Variants in CEP162 observed in about 807,000 individuals in gnomAD.
CEP162 encodes centrosomal protein 162, also known as centrosomal protein of 162 kDa.
CEP162 carries 141 observed loss-of-function variants against 169.2 expected under a neutral mutation model. The ratio of observed to expected loss-of-function variants is 0.83; its 90% CI spans 0.73 to 0.96. CEP162 has a LOEUF of 0.96. CEP162 is among the 40% of genes least tolerant of loss of function. The pLI is 0.00. For missense variants in CEP162, 1,600 were observed against 1,587.2 expected, an observed-to-expected ratio of 1.01 and a Z score of -0.14; for synonymous variants, 540 against 526.4, an observed-to-expected ratio of 1.03 and a Z score of -0.35.
intron 2 of CEP162, among the ~76,000 whole-genome samples, chr6:84,223,896 ACT>A (rs1487688277): frequency 1.3e-5 from 2 of 151,822 alleles, no homozygotes; most frequent in African/African-American, 4.9e-5. Flanking sequence ...ACAGAGCAAG[ACT>A]CAGTCTCAAG....
intron 18 of CEP162, among the ~76,000 whole-genome samples, chr6:84,163,732 A>G (rs9449816): frequency 0.44 from 66,619 of 151,654 alleles, 18,116 homozygotes; most frequent in African/African-American, 0.78. Flanking sequence ...TTGGGAGGCC[A>G]AGGTGGGCGG....
At chr6:84,172,651 G>A (rs962842343) in intron 16 of CEP162, among the ~76,000 whole-genome samples, 1 of 152,062 alleles carries the variant, frequency 6.6e-6, no homozygotes, top group Non-Finnish European at 1.5e-5. Flanking sequence ...AGATCAAACT[G>A]GCAGAAGAAT....
intron 26 of CEP162, among the ~76,000 whole-genome samples, 177 bp downstream of exon 26, chr6:84,126,201 G>GATCA (rs1255561876): frequency 6.6e-6 from 1 of 151,986 alleles, no homozygotes; most frequent in Non-Finnish European, 1.5e-5. Context: ...TCAAGCACTT[G>GATCA]AGATATAAAG....
chr6:84,194,779 G>T, intron 10 of CEP162, 105 bp downstream of exon 10: 3 of 947,170 alleles, frequency 3.2e-6, no homozygotes, highest in South Asian at 3.3e-5. Flanking sequence ...TAAGCTCAGA[G>T]ACTGAGAAAC....
chr6:84,190,130 G>A (rs372716257), intron 11 of CEP162, among the ~76,000 whole-genome samples: 4 of 142,670 alleles, frequency 2.8e-5, no homozygotes, highest in South Asian at 4.6e-4. Context: ...AAATACACCA[G>A]TCAGCACCCT....
At chr6:84,227,460 T>G (rs4143729) in intron 1 of CEP162, 120 bp downstream of exon 1, 53,012 of 151,980 alleles carry the variant, frequency 0.35, 9,616 homozygotes, top group East Asian at 0.57. Context: ...GCATTTGCCG[T>G]GGGCTCCGGG....
intron 18 of CEP162, among the ~76,000 whole-genome samples, chr6:84,165,164 C>T (rs935073929): frequency 2.0e-5 from 3 of 151,840 alleles, no homozygotes; most frequent in Non-Finnish European, 4.4e-5. Context: ...CCCAGAAGGC[C>T]TTCCTGACCA....
chr6:84,127,689 G>A (rs2099509514), intron 25 of CEP162, among the ~76,000 whole-genome samples: 1 of 152,170 alleles, frequency 6.6e-6, no homozygotes. Flanking sequence ...GTTGAAAAAT[G>A]ATTTTGAGTA....
intron 25 of CEP162, among the ~76,000 whole-genome samples, chr6:84,139,928 C>G (rs183777430): frequency 9.8e-6 from 1 of 102,346 alleles, no homozygotes; most frequent in African/African-American, 1.4e-4. Flanking sequence ...CAGCCACCCT[C>G]TCAGGCTGGT....
rs760882056 is a variant in CEP162 at position 84,175,279 on chromosome 6, A to G, written c.1732T>C (p.Cys578Arg). The G allele has an allele frequency of 1.3e-6, 2 of 1,547,770 alleles. No homozygotes were observed. Among genetic ancestry groups the G allele is most frequent in the African/African-American group, 1.4e-5 (1 of 73,092 alleles). The change falls in exon 14 of 27, where the codon TGC becomes CGC. Residue 578 changes from cysteine (C) to arginine (R), a missense_variant. Coordinates refer to ENST00000403245, the MANE Select transcript of CEP162 (RefSeq NM_014895.4). ...LDKPAHKTES[C>R]LSTRKKSENP... ...TCAGACTTCTTACGAGTAGACAGGCAACTTTCAGTTTTGTGAGCTGGTTTA... is the reference window on the plus strand; with the variant it reads ...TCAGACTTCTTACGAGTAGACAGGCGACTTTCAGTTTTGTGAGCTGGTTTA...
At chr6:84,158,369 C>T (rs573323816) in intron 21 of CEP162, among the ~76,000 whole-genome samples, 1 of 152,236 alleles carries the variant, frequency 6.6e-6, no homozygotes, top group South Asian at 2.1e-4. Flanking sequence ...GATCAAATGA[C>T]TTTCATCTTG....
At chr6:84,200,201 G>C (rs1404869017) in intron 9 of CEP162, among the ~76,000 whole-genome samples, 1 of 152,160 alleles carries the variant, frequency 6.6e-6, no homozygotes. Flanking sequence ...AGTGAGCCAA[G>C]GTAGCGCCAC....
chr6:84,208,941 C>T (rs2099548386), intron 6 of CEP162, among the ~76,000 whole-genome samples: 1 of 152,188 alleles, frequency 6.6e-6, no homozygotes, highest in Non-Finnish European at 1.5e-5. Context: ...CGAGATTAGA[C>T]TTGCTTAAGA....
chr6:84,129,752 T>A (rs1242354641), intron 25 of CEP162, among the ~76,000 whole-genome samples: 8 of 152,160 alleles, frequency 5.3e-5, no homozygotes, highest in African/African-American at 1.7e-4. Flanking sequence ...CCCATATTGA[T>A]TTTGGACTGA....
chr6:84,133,786 G>C (rs1239205453), intron 25 of CEP162, among the ~76,000 whole-genome samples: 1 of 152,140 alleles, frequency 6.6e-6, no homozygotes, highest in African/African-American at 2.4e-5. Context: ...GGCTAGGAAA[G>C]GGAATTCCCA....
intron 21 of CEP162, among the ~76,000 whole-genome samples, chr6:84,159,784 GT>G (rs2099524986): frequency 1.3e-5 from 2 of 151,112 alleles, no homozygotes; most frequent in African/African-American, 4.9e-5. Flanking sequence ...GTTTCACCAT[GT>G]TGGCCACCCT....
At chr6:84,147,942 T>C (rs896305235) in intron 24 of CEP162, among the ~76,000 whole-genome samples, 1 of 152,200 alleles carries the variant, frequency 6.6e-6, no homozygotes, top group African/African-American at 2.4e-5. Flanking sequence ...GATCAGACTA[T>C]GCTGATTTCT....
At chr6:84,146,172 C>T (rs1387151827) in intron 25 of CEP162, among the ~76,000 whole-genome samples, 1 of 152,106 alleles carries the variant, frequency 6.6e-6, no homozygotes, top group Non-Finnish European at 1.5e-5. Flanking sequence ...CAAATCTCTT[C>T]AAAGCTACCA....
intron 25 of CEP162, among the ~76,000 whole-genome samples, chr6:84,127,286 CTT>C (rs1243402533): frequency 9.9e-5 from 15 of 152,130 alleles, no homozygotes; most frequent in Non-Finnish European, 1.6e-4. Flanking sequence ...AACAATAACT[CTT>C]GTTTTCTATG....
Sources: allele counts gnomAD v4.1 joint callset (sites outside exome capture counted in the v4.1 genomes callset), GRCh38; gene constraint gnomAD v4.1.1; transcripts MANE v1.5; gene names NCBI Gene and HGNC (gene_info 2026-07-23, HGNC 2026-07-21).